The following SLC25A13 variants were observed in gnomAD, a reference collection of about 807,000 sequenced individuals.
The protein encoded by SLC25A13 is electrogenic aspartate/glutamate antiporter SLC25A13, mitochondrial.
SLC25A13 carries 70 observed loss-of-function variants against 85.5 expected under a neutral mutation model. The observed-to-expected ratio is 0.82, with a 90% confidence interval of 0.68 to 1.00. The LOEUF is 1.00. Among genes scored for constraint, SLC25A13 ranks in the 50% least tolerant of loss-of-function variants. SLC25A13 has a pLI of 0.00. For synonymous variants in SLC25A13, 259 were observed against 288.7 expected, an observed-to-expected ratio of 0.90 and a Z score of 1.04; for missense variants, 765 against 819.8, an observed-to-expected ratio of 0.93 and a Z score of 0.82.
intron 4 of SLC25A13, among the ~76,000 whole-genome samples, chr7:96,213,926 T>C (rs1795791966): frequency 6.6e-6 from 1 of 152,198 alleles, no homozygotes; most frequent in African/African-American, 2.4e-5. Flanking sequence ...AGAATGCTTA[T>C]TTTTTAAAGT....
intron 3 of SLC25A13, among the ~76,000 whole-genome samples, chr7:96,270,179 T>C (rs1469235960): frequency 6.6e-6 from 1 of 152,240 alleles, no homozygotes; most frequent in Non-Finnish European, 1.5e-5. Context: ...ATTAGCTTGC[T>C]TTAGCCATTC....
chr7:96,290,446 G>A (rs1427382910), intron 2 of SLC25A13, among the ~76,000 whole-genome samples: 5 of 152,166 alleles, frequency 3.3e-5, no homozygotes, highest in Non-Finnish European at 4.4e-5. Flanking sequence ...AAATGTAAAT[G>A]GGCTAAATGC....
intron 5 of SLC25A13, among the ~76,000 whole-genome samples, chr7:96,201,126 C>T (rs1430957913): frequency 6.6e-6 from 1 of 152,158 alleles, no homozygotes; most frequent in Non-Finnish European, 1.5e-5. Flanking sequence ...AAAGCTACAT[C>T]ACAGACCCCA....
chr7:96,147,121 GAC>G (rs1437679290), intron 13 of SLC25A13, among the ~76,000 whole-genome samples: 2 of 116,764 alleles, frequency 1.7e-5, no homozygotes, highest in Non-Finnish European at 1.8e-5. Context: ...CAAATGAGGA[GAC>G]ACAGAACAGA....
chr7:96,139,510 G>A (rs936381842), intron 14 of SLC25A13, among the ~76,000 whole-genome samples: 14 of 152,080 alleles, frequency 9.2e-5, no homozygotes, highest in Non-Finnish European at 1.8e-4. Flanking sequence ...ACTCCTTGAG[G>A]TATACTTGAT....
intron 1 of SLC25A13, among the ~76,000 whole-genome samples, chr7:96,308,797 A>G (rs1466878386): frequency 6.6e-6 from 1 of 152,240 alleles, no homozygotes; most frequent in East Asian, 1.9e-4. Context: ...AAAATTTGCA[A>G]TAGATAGGAC....
chr7:96,181,783 T>C (rs1488812932), intron 11 of SLC25A13, among the ~76,000 whole-genome samples: 1 of 152,232 alleles, frequency 6.6e-6, no homozygotes, highest in African/African-American at 2.4e-5. Flanking sequence ...ATTAAAGATG[T>C]ACTCTGATAC....
intron 4 of SLC25A13, among the ~76,000 whole-genome samples, chr7:96,220,714 C>T (rs1403689994): frequency 1.3e-5 from 2 of 152,198 alleles, no homozygotes; most frequent in Non-Finnish European, 1.5e-5. Context: ...TTCTCTACAC[C>T]TTCTTTCCTA....
intron 2 of SLC25A13, chr7:96,283,475 T>C (rs1798763122): frequency 2.3e-6 from 1 of 433,816 alleles, no homozygotes; most frequent in Admixed American, 2.3e-5. Flanking sequence ...GGTGATATTG[T>C]AGACATTAAG....
intron 14 of SLC25A13, among the ~76,000 whole-genome samples, chr7:96,142,513 T>C (rs1016614710): frequency 6.6e-6 from 1 of 152,222 alleles, no homozygotes; most frequent in South Asian, 2.1e-4. Context: ...CTGTTAATGG[T>C]AACCTAGGGT....
intron 4 of SLC25A13, among the ~76,000 whole-genome samples, chr7:96,228,053 AG>A (rs1584483001): frequency 6.6e-6 from 1 of 152,208 alleles, no homozygotes; most frequent in East Asian, 1.9e-4. Flanking sequence ...TACTAAAGAC[AG>A]GGTTTCACTG....
At chr7:96,242,518 G>A (rs1797033979) in intron 3 of SLC25A13, among the ~76,000 whole-genome samples, 1 of 152,138 alleles carries the variant, frequency 6.6e-6, no homozygotes, top group Non-Finnish European at 1.5e-5. Flanking sequence ...GGCCATGACG[G>A]GAAGTGGGGG....
In SLC25A13 at chr7:96,189,393, CA is replaced by C. The variant is rs1289593065; in HGVS notation, c.849-16del. On this transcript the variant is annotated splice_polypyrimidine_tract_variant and intron_variant, in intron 8 of 17. Coordinates refer to ENST00000265631, the MANE Select transcript of SLC25A13 (RefSeq NM_014251.3). ...AGGTCATACGTCTGTAGGGGAAAAACAAACACAAGCAACAAATATACCAATT... is the reference window on the plus strand; with the variant it reads ...AGGTCATACGTCTGTAGGGGAAAAACAACACAAGCAACAAATATACCAATT... 2 of 1,608,954 alleles carry C rather than the reference CA, an allele frequency of 1.2e-6. No individual in the cohort carries two copies. The highest frequency in any genetic ancestry group is 1.7e-5 in the Admixed American group (1 of 60,014).
In SLC25A13 at chr7:96,296,940, G is replaced by C; in HGVS notation, c.27C>G (p.Thr9=). 1 of 1,613,142 alleles carries C rather than the reference G, an allele frequency of 6.2e-7. No individual in the cohort carries two copies. The highest frequency in any genetic ancestry group is 1.1e-5 in the South Asian group (1 of 91,050). Residue 9 remains threonine (T), a synonymous_variant, in exon 2 of 18, where the codon ACC becomes ACG. Coordinates refer to ENST00000265631, the MANE Select transcript of SLC25A13 (RefSeq NM_014251.3). ...TAAGCTCAGCTGGATCTGCTCTCTT[G>C]GTTAAAGCCACCTATAAATAAACAT... The part of the protein sequence containing the change: MAAAKVAL[T]KRADPAELRT...
intron 3 of SLC25A13, among the ~76,000 whole-genome samples, chr7:96,245,171 G>A (rs1478545574): frequency 2.6e-5 from 4 of 152,194 alleles, no homozygotes; most frequent in African/African-American, 7.2e-5. Flanking sequence ...AAGCACATTT[G>A]ACAGGTATGA....
At chr7:96,304,300 C>T (rs1799659777) in intron 1 of SLC25A13, among the ~76,000 whole-genome samples, 1 of 152,164 alleles carries the variant, frequency 6.6e-6, no homozygotes, top group Admixed American at 6.5e-5. Flanking sequence ...TATAAAGTAT[C>T]AGACACCACA....
chr7:96,317,154 G>A (rs1186961869), intron 1 of SLC25A13, among the ~76,000 whole-genome samples: 1 of 152,022 alleles, frequency 6.6e-6, no homozygotes, highest in East Asian at 1.9e-4. Context: ...CCTATTTTTA[G>A]TAGAGATGGG....
chr7:96,223,475 T>A (rs1200790831), intron 4 of SLC25A13, among the ~76,000 whole-genome samples: 2 of 152,132 alleles, frequency 1.3e-5, no homozygotes, highest in East Asian at 3.9e-4. Context: ...CTTGTGACTT[T>A]CCTCAGATAA....
At chr7:96,141,125 T>A (rs1792543747) in intron 14 of SLC25A13, among the ~76,000 whole-genome samples, 1 of 150,910 alleles carries the variant, frequency 6.6e-6, no homozygotes, top group Non-Finnish European at 1.5e-5. Context: ...TGGGTTCAAG[T>A]GATTCTCCTG....
Sources: allele counts gnomAD v4.1 joint callset (sites outside exome capture counted in the v4.1 genomes callset), GRCh38; gene constraint gnomAD v4.1.1; transcripts MANE v1.5; gene names NCBI Gene and HGNC (gene_info 2026-07-23, HGNC 2026-07-21).